MAST2: variants seen among roughly 807,000 people sequenced by gnomAD.
The protein encoded by MAST2 is microtubule associated serine/threonine kinase 2.
Under a neutral mutation model 147.4 loss-of-function variants are expected in MAST2, and 70 were observed. The observed-to-expected ratio is 0.47, with a 90% confidence interval of 0.39 to 0.58. The LOEUF is 0.58. MAST2 is among the 20% of genes least tolerant of loss of function. The pLI, the probability that MAST2 is intolerant of heterozygous loss-of-function variation, is 0.00. For synonymous variants in MAST2, 869 were observed against 896.8 expected, an observed-to-expected ratio of 0.97 and a Z score of 0.55; for missense variants, 2,080 against 2,302.3, an observed-to-expected ratio of 0.90 and a Z score of 1.98.
chr1:45,976,881 A>T (rs1256375751), intron 5 of MAST2, among the ~76,000 whole-genome samples: 1 of 152,210 alleles, frequency 6.6e-6, no homozygotes, highest in Non-Finnish European at 1.5e-5. Flanking sequence ...AAGGAATACT[A>T]ATAGGAAGAG....
intron 5 of MAST2, among the ~76,000 whole-genome samples, chr1:45,970,667 C>CAAAAAAAAAAAAAAA (rs754544108): frequency 1.4e-5 from 1 of 72,432 alleles, no homozygotes; most frequent in Non-Finnish European, 2.5e-5. Context: ...GACTCTGTCT[C>CAAAAAAAAAAAAAAA]AAAAAAAAAA....
chr1:45,882,471 A>C, intron 4 of MAST2, 76 bp downstream of exon 4: 1 of 1,116,216 alleles, frequency 9.0e-7, no homozygotes, highest in Non-Finnish European at 1.4e-6. Flanking sequence ...TCCCACTATC[A>C]TGTGGAGGAA....
intron 4 of MAST2, among the ~76,000 whole-genome samples, chr1:45,947,312 A>AC (rs1658191880): frequency 1.5e-5 from 2 of 137,360 alleles, no homozygotes; most frequent in Non-Finnish European, 3.2e-5. Flanking sequence ...GCTTTAAAAA[A>AC]AAAAAAAAAA....
intron 1 of MAST2, among the ~76,000 whole-genome samples, chr1:45,811,361 C>T (rs1570163278): frequency 2.6e-5 from 3 of 113,210 alleles, no homozygotes; most frequent in Non-Finnish European, 3.6e-5. Context: ...TTTTTTGAGA[C>T]GGAGTCACGC....
At chr1:45,974,111 G>T (rs889981210) in intron 5 of MAST2, among the ~76,000 whole-genome samples, 16 of 152,170 alleles carry the variant, frequency 1.1e-4, no homozygotes, top group African/African-American at 3.6e-4. Context: ...ATCTGATAAT[G>T]CAAGAGAAAG....
intron 15 of MAST2, among the ~76,000 whole-genome samples, chr1:46,024,825 AC>A (rs1388626796): frequency 1.3e-5 from 2 of 151,390 alleles, no homozygotes; most frequent in Non-Finnish European, 2.9e-5. Flanking sequence ...TTTACTTTCC[AC>A]CCCCCTCCAT....
chr1:45,904,901 G>A (rs1455930658), intron 4 of MAST2, among the ~76,000 whole-genome samples: 2 of 151,922 alleles, frequency 1.3e-5, no homozygotes, highest in Non-Finnish European at 2.9e-5. Context: ...TCAGCCTCCC[G>A]GGTTCAAGTG....
chr1:45,825,713 G>C (rs80254580), intron 2 of MAST2, among the ~76,000 whole-genome samples: 1 of 151,248 alleles, frequency 6.6e-6, no homozygotes, highest in African/African-American at 2.4e-5. Context: ...GATTACATAT[G>C]GGAGGTGAGC....
chr1:45,973,945 G>A (rs1048491322), intron 5 of MAST2, among the ~76,000 whole-genome samples: 1 of 152,158 alleles, frequency 6.6e-6, no homozygotes, highest in Non-Finnish European at 1.5e-5. Flanking sequence ...AAAAGAAAAT[G>A]GAGATAATAA....
At chr1:45,960,286 A>G (rs1295303290) in intron 5 of MAST2, among the ~76,000 whole-genome samples, 1 of 152,076 alleles carries the variant, frequency 6.6e-6, no homozygotes, top group Non-Finnish European at 1.5e-5. Context: ...AGATGGGCCA[A>G]TTGCTTGAGC....
chr1:45,963,146 A>G (rs1361629362), intron 5 of MAST2, among the ~76,000 whole-genome samples: 12 of 152,196 alleles, frequency 7.9e-5, no homozygotes, highest in Non-Finnish European at 1.8e-4. Context: ...TACCAGTACC[A>G]TGCTGTTTTG....
chr1:45,917,198 G>T, intron 4 of MAST2: 1 of 372,048 alleles, frequency 2.7e-6, no homozygotes, highest in East Asian at 7.6e-5. Flanking sequence ...CATTGGTACT[G>T]AAGTATGATA....
intron 4 of MAST2, among the ~76,000 whole-genome samples, chr1:45,929,516 T>C (rs1171177636): frequency 6.6e-6 from 1 of 152,232 alleles, no homozygotes; most frequent in Non-Finnish European, 1.5e-5. Context: ...GTAGTCATGC[T>C]TGTTATGTAG....
In MAST2 at chr1:45,824,525, A is replaced by T; in HGVS notation, c.270A>T (p.Gln90His). 1 of 1,611,546 alleles carries T rather than the reference A, an allele frequency of 6.2e-7. No individual in the cohort carries two copies. Among genetic ancestry groups the T allele is most frequent in the Non-Finnish European group, 8.5e-7 (1 of 1,178,482 alleles). The change falls in exon 2 of 29, where the codon CAA becomes CAT. Residue 90 changes from glutamine (Q) to histidine (H), a missense_variant. Gln to His is a conservative substitution (Grantham distance 24). Transcript: ENST00000361297. ...CTGGAAAAGTTAAACTTCAGCGACA[A>T]CTGAGTCAGGATGATTGTAAGTTAT... ...SSTGKVKLQR[Q>H]LSQDDCKLWR...
chr1:45,953,935 C>A (rs994478782), intron 4 of MAST2, among the ~76,000 whole-genome samples: 1 of 152,030 alleles, frequency 6.6e-6, no homozygotes, highest in Non-Finnish European at 1.5e-5. Flanking sequence ...GTATTTTTTT[C>A]CCACTCTCAC....
At chr1:45,939,304 A>G (rs1656780031) in intron 4 of MAST2, among the ~76,000 whole-genome samples, 1 of 152,118 alleles carries the variant, frequency 6.6e-6, no homozygotes, top group Non-Finnish European at 1.5e-5. Flanking sequence ...ACCTTTGTTG[A>G]AGTCAATTGA....
intron 1 of MAST2, among the ~76,000 whole-genome samples, chr1:45,819,610 G>T (rs1461766554): frequency 6.6e-6 from 1 of 151,898 alleles, no homozygotes; most frequent in Non-Finnish European, 1.5e-5. Flanking sequence ...TACAGTAGCT[G>T]CAAATAAAAT....
intron 5 of MAST2, among the ~76,000 whole-genome samples, chr1:45,970,798 G>GTT (rs770669631): frequency 0.29 from 38,149 of 130,346 alleles, 5,775 homozygotes; most frequent in South Asian, 0.37. Context: ...ACTAAGAAGT[G>GTT]TTTTTTTTTT....
chr1:45,912,487 A>T (rs902572757), intron 4 of MAST2, among the ~76,000 whole-genome samples: 3 of 152,184 alleles, frequency 2.0e-5, no homozygotes, highest in Non-Finnish European at 4.4e-5. Context: ...GAAAATGTTG[A>T]TCCTGACTTC....
Sources: allele counts gnomAD v4.1 joint callset (sites outside exome capture counted in the v4.1 genomes callset), GRCh38; gene constraint gnomAD v4.1.1; transcripts MANE v1.5; gene names NCBI Gene and HGNC (gene_info 2026-07-23, HGNC 2026-07-21).